The following TNS3 variants were observed in gnomAD, a reference collection of about 807,000 sequenced individuals.
TNS3 encodes the protein tensin-3.
TNS3 carries 45 observed loss-of-function variants against 140.9 expected under a neutral mutation model. The observed-to-expected ratio is 0.32, with a 90% CI of 0.25 to 0.41. The LOEUF is 0.41. TNS3 is among the 10% of genes least tolerant of loss of function. The probability of loss-of-function intolerance (pLI) is 1.00; values close to 1 mark genes in which losing one functional copy is unlikely to be tolerated. For synonymous variants in TNS3, 815 were observed against 788.4 expected (o/e 1.03, Z -0.56); for missense variants, 1,716 against 1,906.7 (o/e 0.90, Z 1.86).
chr7:47,326,877 C>A (rs1333708850), intron 20 of TNS3, among the ~76,000 whole-genome samples: 1 of 152,218 alleles, frequency 6.6e-6, no homozygotes, highest in Non-Finnish European at 1.5e-5. Context: ...GAAGGAGAAG[C>A]TGGACCTTGA....
At chr7:47,396,737 T>C in intron 16 of TNS3, 63 bp downstream of exon 16, 1 of 1,351,136 alleles carries the variant, frequency 7.4e-7, no homozygotes, top group East Asian at 2.3e-5. Flanking sequence ...TTCAGATATT[T>C]GAGTGGGCTG....
At chr7:47,366,282 T>C (rs896258783) in intron 17 of TNS3, among the ~76,000 whole-genome samples, 5 of 152,202 alleles carry the variant, frequency 3.3e-5, no homozygotes. Flanking sequence ...TACGGCTGTA[T>C]TGTAAAGTCC....
At chr7:47,524,970 T>C (rs1478821798) in intron 2 of TNS3, among the ~76,000 whole-genome samples, 1 of 151,966 alleles carries the variant, frequency 6.6e-6, no homozygotes. Context: ...CATGAGTGAT[T>C]TTCTTCAAGG....
At chr7:47,336,189 T>TA (rs10551215) in intron 20 of TNS3, among the ~76,000 whole-genome samples, 2,258 of 133,108 alleles carry the variant, frequency 0.017, 21 homozygotes, top group African/African-American at 0.033. Flanking sequence ...CAAGCAGAGT[T>TA]AAAAAAAAAA....
At chr7:47,389,839 G>T (rs1047500977) in intron 16 of TNS3, among the ~76,000 whole-genome samples, 1 of 152,242 alleles carries the variant, frequency 6.6e-6, no homozygotes, top group East Asian at 1.9e-4. Flanking sequence ...ACAATCAAGA[G>T]ATGCAGAGGG....
chr7:47,358,985 G>A (rs927792661), intron 17 of TNS3, among the ~76,000 whole-genome samples: 1 of 152,170 alleles, frequency 6.6e-6, no homozygotes. Context: ...AGCATCAGTG[G>A]GGAAGTTCCC....
At chr7:47,415,711 G>T (rs117944008) in intron 10 of TNS3, among the ~76,000 whole-genome samples, 6,002 of 152,298 alleles carry the variant, frequency 0.039, 172 homozygotes, top group Non-Finnish European at 0.06. Context: ...CTCCTATCCC[G>T]CAGCCTTCCA....
intron 29 of TNS3, 41 bp from the exon 30 acceptor site, chr7:47,280,231 A>G: frequency 1.9e-6 from 3 of 1,614,132 alleles, no homozygotes; most frequent in South Asian, 1.1e-5. Flanking sequence ...ATTTTTTTAA[A>G]CTAAAGGATA....
At chr7:47,330,691 C>T (rs1394868975) in intron 20 of TNS3, among the ~76,000 whole-genome samples, 5 of 152,064 alleles carry the variant, frequency 3.3e-5, no homozygotes, top group African/African-American at 1.2e-4. Flanking sequence ...CACAAGCAGA[C>T]TTGGTTGCCA....
chr7:47,421,010 T>A (rs2151459189), intron 10 of TNS3, among the ~76,000 whole-genome samples: 1 of 152,208 alleles, frequency 6.6e-6, no homozygotes, highest in East Asian at 1.9e-4. Context: ...ACATGACTGA[T>A]GGTCTTAGGT....
intron 10 of TNS3, among the ~76,000 whole-genome samples, chr7:47,417,914 G>A (rs536100636): frequency 2.6e-5 from 4 of 152,316 alleles, no homozygotes; most frequent in South Asian, 4.2e-4. Context: ...GATAGCCAAC[G>A]TAGGTAATAG....
At chr7:47,342,649 A>T (rs1584441200) in intron 20 of TNS3, among the ~76,000 whole-genome samples, 1 of 152,208 alleles carries the variant, frequency 6.6e-6, no homozygotes, top group Non-Finnish European at 1.5e-5. Flanking sequence ...CGGCTGATGG[A>T]GCTGAAACTC....
Position 47,277,713 on chromosome 7 carries a change from T to G in TNS3, c.*363A>C. ...GCACCTCTGCCTCAAGGGCTGGGGA[T>G]TCCTCATCCCCCGGAATGCTAGTGT... On this transcript the variant is annotated 3_prime_UTR_variant, in exon 31 of 31. Coordinates refer to ENST00000311160, the MANE Select transcript of TNS3 (RefSeq NM_022748.12). 3.0e-6 allele frequency: 1 copy of G among 330,880 alleles called. No individual in the cohort carries two copies. Among genetic ancestry groups the G allele is most frequent in the Non-Finnish European group, 5.8e-6 (1 of 172,184 alleles). The allele number at this position is 330,880 out of a possible 1,614,324, so 20.5% of individuals were successfully genotyped here.
chr7:47,537,449 G>A (rs975206708), intron 1 of TNS3, among the ~76,000 whole-genome samples: 2 of 152,128 alleles, frequency 1.3e-5, no homozygotes, highest in Non-Finnish European at 2.9e-5. Flanking sequence ...GAGCGCGGAG[G>A]CACAGGCTGA....
At chr7:47,484,298 C>T (rs889746015) in intron 3 of TNS3, among the ~76,000 whole-genome samples, 6 of 152,198 alleles carry the variant, frequency 3.9e-5, no homozygotes, top group Non-Finnish European at 8.8e-5. Context: ...AGAGAAAACT[C>T]ATCATTTCTA....
intron 4 of TNS3, among the ~76,000 whole-genome samples, chr7:47,453,765 G>A (rs995248294): frequency 2.0e-4 from 30 of 152,294 alleles, no homozygotes; most frequent in African/African-American, 6.7e-4. Context: ...CCGGATACAC[G>A]GCAGATCTTG....
At chr7:47,304,495 C>A (rs963994342) in intron 21 of TNS3, among the ~76,000 whole-genome samples, 1 of 152,208 alleles carries the variant, frequency 6.6e-6, no homozygotes, top group African/African-American at 2.4e-5. Flanking sequence ...GGGGTAGTAT[C>A]TTTGTGAAGC....
chr7:47,316,857 C>A (rs1215481866), intron 20 of TNS3, among the ~76,000 whole-genome samples: 1 of 151,678 alleles, frequency 6.6e-6, no homozygotes, highest in East Asian at 1.9e-4. Context: ...TTTAACCAAC[C>A]TTCTTGAAAG....
At chr7:47,506,797 AAG>A (rs1798432536) in intron 3 of TNS3, 108 bp downstream of exon 3, 1 of 822,372 alleles carries the variant, frequency 1.2e-6, no homozygotes, top group Non-Finnish European at 1.7e-6. Flanking sequence ...GGCTTTCCTA[AAG>A]AGTTTTCTTT....
Sources: allele counts gnomAD v4.1 joint callset (sites outside exome capture counted in the v4.1 genomes callset), GRCh38; gene constraint gnomAD v4.1.1; transcripts MANE v1.5; gene names NCBI Gene and HGNC (gene_info 2026-07-23, HGNC 2026-07-21).